The following IMMP2L variants were observed in gnomAD, a reference collection of about 807,000 sequenced individuals.
IMMP2L encodes the protein mitochondrial inner membrane protease subunit 2.
Under a neutral mutation model 19.3 loss-of-function variants are expected in IMMP2L, and 18 were observed. That is an observed-to-expected ratio of 0.93 (90% CI 0.64 to 1.38). The LOEUF (loss-of-function observed/expected upper bound fraction) is 1.38, where lower values mean the gene tolerates loss of function less well. Ranked by LOEUF, IMMP2L falls within the 40% of genes most tolerant of loss-of-function variation. The pLI, the probability that IMMP2L is intolerant of heterozygous loss-of-function variation, is 0.00. For synonymous variants in IMMP2L, 76 were observed against 73.0 expected (o/e 1.04, Z -0.21); for missense variants, 233 against 218.2 (o/e 1.07, Z -0.43).
At chr7:111,050,168 A>G (rs555642937) in intron 3 of IMMP2L, among the ~76,000 whole-genome samples, 1 of 152,358 alleles carries the variant, frequency 6.6e-6, no homozygotes, top group South Asian at 2.1e-4. Context: ...GGATAATCCC[A>G]TACTGTCCTT....
chr7:111,006,146 T>C (rs1360342050), intron 3 of IMMP2L, among the ~76,000 whole-genome samples: 3 of 152,148 alleles, frequency 2.0e-5, no homozygotes, highest in Non-Finnish European at 4.4e-5. Context: ...AAAGACTTAA[T>C]TGTCACTGTC....
At chr7:110,769,576 T>C (rs1038652733) in intron 5 of IMMP2L, among the ~76,000 whole-genome samples, 2 of 152,126 alleles carry the variant, frequency 1.3e-5, no homozygotes, top group Non-Finnish European at 2.9e-5. Context: ...TGAGCAGCTC[T>C]CATAAGAAGA....
Position 111,100,112 on chromosome 7 carries a change from C to G in IMMP2L, c.240-136547G>C, listed in dbSNP as rs577894925. The G allele has an allele frequency of 1.3e-4, 20 of 151,658 alleles. No homozygotes were observed. The South Asian group carries it at 4.1e-3, about 31-fold the overall frequency. The allele number at this position is 151,658 out of a possible 1,614,324, so 9.4% of individuals were successfully genotyped here. On this transcript the variant is annotated intron_variant, in intron 3 of 5. Transcript: ENST00000405709. ...GACTCTGAAGCCCATGTTATGGTGTCTTCCTTAGCATGTATTTCTTTTTTT... is the reference window on the plus strand; with the variant it reads ...GACTCTGAAGCCCATGTTATGGTGTGTTCCTTAGCATGTATTTCTTTTTTT...
chr7:111,377,378 A>G (rs74439185), intron 3 of IMMP2L, among the ~76,000 whole-genome samples: 6,475 of 152,038 alleles, frequency 0.043, 215 homozygotes, highest in South Asian at 0.08. Flanking sequence ...ATCCCTCTAT[A>G]CTACAGCTCT....
intron 5 of IMMP2L, among the ~76,000 whole-genome samples, chr7:110,808,605 A>G (rs1801800388): frequency 1.3e-5 from 2 of 152,114 alleles, no homozygotes; most frequent in East Asian, 3.9e-4. Context: ...ATCCCTTTGC[A>G]GCTGCAGTGC....
intron 3 of IMMP2L, among the ~76,000 whole-genome samples, chr7:111,051,044 T>G (rs757577759): frequency 6.6e-6 from 1 of 152,088 alleles, no homozygotes; most frequent in Non-Finnish European, 1.5e-5. Context: ...TGGTTTAAGT[T>G]TTCTTATTGC....
chr7:110,692,776 A>G (rs1793607933), intron 5 of IMMP2L, among the ~76,000 whole-genome samples: 1 of 152,202 alleles, frequency 6.6e-6, no homozygotes, highest in South Asian at 2.1e-4. Flanking sequence ...GGAAATCAAA[A>G]TATTGTTTAT....
chr7:111,526,853 C>T (rs948534470), intron 1 of IMMP2L, among the ~76,000 whole-genome samples: 4 of 152,112 alleles, frequency 2.6e-5, no homozygotes, highest in African/African-American at 9.7e-5. Context: ...ACCTGCAGGA[C>T]AGAAACGGAA....
At chr7:110,813,281 G>A (rs1332481071) in intron 5 of IMMP2L, among the ~76,000 whole-genome samples, 1 of 151,990 alleles carries the variant, frequency 6.6e-6, no homozygotes, top group East Asian at 1.9e-4. Flanking sequence ...AAAAATTGAA[G>A]TCAAACTGTT....
intron 5 of IMMP2L, among the ~76,000 whole-genome samples, chr7:110,768,651 C>T (rs1798831485): frequency 2.0e-5 from 3 of 152,184 alleles, no homozygotes; most frequent in Admixed American, 1.3e-4. Context: ...CCCGGGCCAG[C>T]TTCCGCTTAT....
chr7:111,042,980 A>T (rs539400368), intron 3 of IMMP2L, among the ~76,000 whole-genome samples: 1 of 152,276 alleles, frequency 6.6e-6, no homozygotes, highest in African/African-American at 2.4e-5. Context: ...ATAAAACAAT[A>T]AATGTCAAAA....
chr7:111,120,374 C>T (rs182093928), intron 3 of IMMP2L, among the ~76,000 whole-genome samples: 11 of 152,042 alleles, frequency 7.2e-5, no homozygotes, highest in Non-Finnish European at 1.5e-4. Flanking sequence ...GAATGAGACT[C>T]AAGCAAAAGA....
At chr7:110,810,330 G>A (rs1801949814) in intron 5 of IMMP2L, among the ~76,000 whole-genome samples, 1 of 152,006 alleles carries the variant, frequency 6.6e-6, no homozygotes, top group Non-Finnish European at 1.5e-5. Flanking sequence ...TCTTCAGTGA[G>A]AAAAATTCAG....
At chr7:110,894,333 G>A (rs1301875168) in intron 4 of IMMP2L, among the ~76,000 whole-genome samples, 2 of 152,134 alleles carry the variant, frequency 1.3e-5, no homozygotes, top group African/African-American at 4.8e-5. Context: ...TTACAGAACT[G>A]TTTTCCAAAG....
intron 5 of IMMP2L, among the ~76,000 whole-genome samples, chr7:110,826,957 G>A (rs1803554010): frequency 6.6e-6 from 1 of 151,870 alleles, no homozygotes; most frequent in African/African-American, 2.4e-5. Context: ...AGTATATGAT[G>A]GGGATGAAAA....
At chr7:110,933,759 G>A (rs1167348722) in intron 4 of IMMP2L, among the ~76,000 whole-genome samples, 1 of 151,964 alleles carries the variant, frequency 6.6e-6, no homozygotes, top group African/African-American at 2.4e-5. Context: ...TTTATATAAG[G>A]AGAAAGTACA....
At chr7:111,181,594 G>A (rs1231190995) in intron 3 of IMMP2L, among the ~76,000 whole-genome samples, 1 of 151,876 alleles carries the variant, frequency 6.6e-6, no homozygotes, top group Non-Finnish European at 1.5e-5. Context: ...ACCAATAAGA[G>A]GAATAAATGA....
At chr7:110,756,944 T>C (rs1000581716) in intron 5 of IMMP2L, among the ~76,000 whole-genome samples, 4 of 152,082 alleles carry the variant, frequency 2.6e-5, no homozygotes, top group African/African-American at 7.2e-5. Flanking sequence ...GAGAATGGTT[T>C]ATACATTTTA....
chr7:110,670,764 T>C (rs1791863151), intron 5 of IMMP2L, among the ~76,000 whole-genome samples: 1 of 150,532 alleles, frequency 6.6e-6, no homozygotes. Context: ...CCATGAAATG[T>C]CCTAATACTG....
Sources: allele counts gnomAD v4.1 joint callset (sites outside exome capture counted in the v4.1 genomes callset), GRCh38; gene constraint gnomAD v4.1.1; transcripts MANE v1.5; gene names NCBI Gene and HGNC (gene_info 2026-07-23, HGNC 2026-07-21).